The following NELL1 variants were observed in gnomAD, a reference collection of about 807,000 sequenced individuals.
The protein encoded by NELL1 is protein kinase C-binding protein NELL1.
NELL1 carries 76 observed loss-of-function variants against 107.4 expected under a neutral mutation model. The ratio of observed to expected loss-of-function variants is 0.71; its 90% confidence interval spans 0.59 to 0.86. The LOEUF is 0.86. Ranked by LOEUF, NELL1 falls within the 40% of genes least tolerant of loss-of-function variation. NELL1 has a pLI of 0.00. For synonymous variants in NELL1, 353 were observed against 341.2 expected (o/e 1.03, Z -0.38); for missense variants, 1,024 against 1,005.5 (o/e 1.02, Z -0.25).
At chr11:21,169,822 GC>G in intron 13 of NELL1, 1 of 1,407,592 alleles carries the variant, frequency 7.1e-7, no homozygotes, top group Non-Finnish European at 9.9e-7. Flanking sequence ...AGCCTGCTGA[GC>G]CCGATGCAAG....
chr11:21,273,069 T>C (rs1455892962), intron 14 of NELL1, among the ~76,000 whole-genome samples: 1 of 151,752 alleles, frequency 6.6e-6, no homozygotes, highest in Admixed American at 6.6e-5. Context: ...CTTTGACGAG[T>C]TGAGAGAAGA....
chr11:20,895,504 C>CTTTTTT lies in NELL1; in HGVS notation c.603+9978_603+9983dup, dbSNP rs71063675. On this transcript the variant is annotated intron_variant, in intron 5 of 19. Transcript: ENST00000357134. ...ATAAGTGAGAACATGTGATATTTGC[C>CTTTTTT]TTTTTTTTTTTTTTTTTTTGAGACG... Among the ~76,000 whole-genome samples, 38 of 100,018 alleles carry CTTTTTT rather than the reference C, an allele frequency of 3.8e-4. 3 individuals carry two copies. The highest frequency in any genetic ancestry group is 5.9e-4 in the Non-Finnish European group (31 of 52,586). 65.6% of individuals were successfully genotyped at this position (100,018 alleles called of 152,430 possible).
chr11:20,731,719 A>G (rs529983856), intron 2 of NELL1, among the ~76,000 whole-genome samples: 2 of 152,364 alleles, frequency 1.3e-5, no homozygotes, highest in South Asian at 2.1e-4. Flanking sequence ...GTCAAGTCAG[A>G]ATAATAATAA....
chr11:21,516,153 C>T (rs1855556367), intron 15 of NELL1, among the ~76,000 whole-genome samples: 3 of 152,154 alleles, frequency 2.0e-5, no homozygotes, highest in Admixed American at 6.5e-5. Context: ...CCAGGTCCAT[C>T]ATGCACCATT....
chr11:20,932,904 A>C (rs976658215), intron 9 of NELL1, among the ~76,000 whole-genome samples: 7 of 152,232 alleles, frequency 4.6e-5, no homozygotes, highest in African/African-American at 1.7e-4. Flanking sequence ...CTCCATCTGA[A>C]ATGTACATAT....
chr11:21,095,617 CTT>C (rs1034904211), intron 12 of NELL1, among the ~76,000 whole-genome samples: 1 of 150,934 alleles, frequency 6.6e-6, no homozygotes, highest in Non-Finnish European at 1.5e-5. Flanking sequence ...CGTCTTTTTT[CTT>C]TTTTTTTCAA....
intron 4 of NELL1, among the ~76,000 whole-genome samples, chr11:20,862,700 C>CAG (rs1190965234): frequency 6.9e-6 from 1 of 145,708 alleles, no homozygotes; most frequent in Admixed American, 7.2e-5. Flanking sequence ...GGAAGGTCAG[C>CAG]AGATAAACAA....
chr11:20,989,708 C>T (rs1488480181), intron 12 of NELL1, among the ~76,000 whole-genome samples: 2 of 152,128 alleles, frequency 1.3e-5, no homozygotes, highest in African/African-American at 2.4e-5. Flanking sequence ...AAATTCCAGT[C>T]TAGGCCGGGT....
At chr11:21,149,580 C>T (rs1856067635) in intron 13 of NELL1, among the ~76,000 whole-genome samples, 1 of 152,162 alleles carries the variant, frequency 6.6e-6, no homozygotes, top group African/African-American at 2.4e-5. Flanking sequence ...TCCACCTGAC[C>T]CCACCGTTGA....
At chr11:20,857,187 G>A (rs957265334) in intron 4 of NELL1, among the ~76,000 whole-genome samples, 2 of 152,192 alleles carry the variant, frequency 1.3e-5, no homozygotes, top group African/African-American at 4.8e-5. Context: ...GAATGCAGCT[G>A]TAAGCATGGG....
intron 13 of NELL1, among the ~76,000 whole-genome samples, chr11:21,212,800 A>T (rs1223996065): frequency 1.3e-5 from 2 of 152,188 alleles, no homozygotes; most frequent in African/African-American, 4.8e-5. Flanking sequence ...AAATTTGGCA[A>T]CAAAGCAGTG....
chr11:21,276,145 G>T (rs1848851849), intron 14 of NELL1, among the ~76,000 whole-genome samples: 1 of 152,196 alleles, frequency 6.6e-6, no homozygotes, highest in Non-Finnish European at 1.5e-5. Flanking sequence ...TGTATATTTA[G>T]AAAACCCCAT....
intron 15 of NELL1, among the ~76,000 whole-genome samples, chr11:21,526,819 G>A (rs559878074): frequency 1.2e-4 from 18 of 152,328 alleles, no homozygotes; most frequent in Non-Finnish European, 1.3e-4. Flanking sequence ...ACACAGCAGA[G>A]GGGCCCTGGA....
intron 13 of NELL1, among the ~76,000 whole-genome samples, chr11:21,159,218 G>C (rs758196057): frequency 1.3e-5 from 2 of 152,042 alleles, no homozygotes; most frequent in Non-Finnish European, 2.9e-5. Flanking sequence ...TTGGACCTAG[G>C]TCTTGGATCC....
chr11:20,959,000 T>C (rs981821707), intron 11 of NELL1, among the ~76,000 whole-genome samples: 1 of 152,236 alleles, frequency 6.6e-6, no homozygotes, highest in Non-Finnish European at 1.5e-5. Flanking sequence ...TACAGTCCGA[T>C]GGCATTTTAC....
intron 3 of NELL1, among the ~76,000 whole-genome samples, chr11:20,793,069 A>G (rs1857105846): frequency 6.6e-6 from 1 of 152,018 alleles, no homozygotes. Context: ...TTAGAAAAGG[A>G]CAGAAAATAT....
chr11:21,514,483 G>A (rs368802985), intron 15 of NELL1, among the ~76,000 whole-genome samples: 4 of 152,310 alleles, frequency 2.6e-5, no homozygotes, highest in East Asian at 3.9e-4. Flanking sequence ...GCTCTGCAGC[G>A]GAGAGTCCAT....
intron 12 of NELL1, among the ~76,000 whole-genome samples, chr11:20,961,684 A>C (rs7105206): frequency 0.38 from 58,268 of 151,894 alleles, 12,092 homozygotes; most frequent in East Asian, 0.59. Context: ...TTTTTTCAAC[A>C]AGACACAAGT....
chr11:20,892,176 C>T (rs576509314), intron 5 of NELL1, among the ~76,000 whole-genome samples: 21 of 152,168 alleles, frequency 1.4e-4, no homozygotes, highest in African/African-American at 4.1e-4. Flanking sequence ...TCTCAGATCA[C>T]GGTGCGATCA....
Sources: allele counts gnomAD v4.1 joint callset (sites outside exome capture counted in the v4.1 genomes callset), GRCh38; gene constraint gnomAD v4.1.1; transcripts MANE v1.5; gene names NCBI Gene and HGNC (gene_info 2026-07-23, HGNC 2026-07-21).